HDC: variants seen among roughly 807,000 people sequenced by gnomAD.
HDC encodes histidine decarboxylase.
HDC carries 27 observed loss-of-function variants against 64.4 expected under a neutral mutation model. The ratio of observed to expected loss-of-function variants is 0.42; its 90% CI spans 0.31 to 0.58. The LOEUF (loss-of-function observed/expected upper bound fraction) is 0.58, where lower values mean the gene tolerates loss of function less well. HDC is among the 20% of genes least tolerant of loss of function. The pLI is 0.16. For synonymous variants in HDC, 305 were observed against 314.2 expected (o/e 0.97, Z 0.31); for missense variants, 711 against 833.9 (o/e 0.85, Z 1.81).
At chr15:50,254,748 C>CAA in intron 4 of HDC, 84 bp from the exon 5 acceptor site, 1 of 746,134 alleles carries the variant, frequency 1.3e-6, no homozygotes, top group Non-Finnish European at 2.1e-6. Context: ...TTCTCTCTCT[C>CAA]TCTCTCTCTC....
At position 50,248,706 on chromosome 15, in the gene HDC, C is replaced by T. The variant is rs925067669; in HGVS notation, c.1042-363G>A. Among the ~76,000 whole-genome samples, 1 of 152,142 alleles carries T rather than the reference C, an allele frequency of 6.6e-6. No homozygotes were observed. Among genetic ancestry groups the T allele is most frequent in the Admixed American group, 6.5e-5 (1 of 15,274 alleles). ...TTTTACTCTAAATGAATCTTTATTCCTTGAATAGCAGAAAATAAAGTTCTA... is the reference window on the plus strand; with the variant it reads ...TTTTACTCTAAATGAATCTTTATTCTTTGAATAGCAGAAAATAAAGTTCTA... On this transcript the variant is annotated intron_variant, in intron 9 of 11. Coordinates refer to ENST00000267845, the MANE Select transcript of HDC (RefSeq NM_002112.4). The surrounding 1 kb of genome is among the most constrained non-coding windows in gnomAD (Gnocchi z 4.3).
intron 7 of HDC, 136 bp downstream of exon 7, chr15:50,253,464 G>T: frequency 2.4e-6 from 2 of 819,988 alleles, no homozygotes; most frequent in Non-Finnish European, 4.2e-6. Flanking sequence ...CATGACCTTT[G>T]GTGGTTCTTC....
chr15:50,253,043 C>T (rs112939429), intron 7 of HDC: 2 of 528,156 alleles, frequency 3.8e-6, no homozygotes, highest in African/African-American at 1.9e-5. Context: ...TGGCCTCAGC[C>T]TAGAACATCC....
chr15:50,260,348 G>A (rs1035133912), intron 2 of HDC, among the ~76,000 whole-genome samples: 3 of 152,098 alleles, frequency 2.0e-5, no homozygotes, highest in Non-Finnish European at 4.4e-5. Flanking sequence ...TCAAAAGGAG[G>A]TCTCAAAAAG....
rs1481784417 is a variant in HDC, at chr15:50,257,451, T to C, written c.415A>G (p.Ser139Gly). The change falls in exon 4 of 12, where the codon AGC (serine) becomes GGC (glycine). Residue 139 changes from serine to glycine, a missense_variant. Ser to Gly is a moderately conservative substitution (Grantham distance 56). Around this residue, in one of 3 missense-constraint regions of HDC, gnomAD observed 225 missense variants for 276.2 expected, o/e 0.81. Transcript: ENST00000267845. ...LPEHFLHHHP[S>G]SQGGGVLQST... ...TGCAGGACGCCTCCGCCCTGGCTGC[T>C]GGGGTGGTGGTGCAAGAAGTGCTCT... 2 of 1,614,254 alleles carry C rather than the reference T, an allele frequency of 1.2e-6. No individual in the cohort carries two copies. Among genetic ancestry groups the C allele is most frequent in the Admixed American group, 1.7e-5 (1 of 60,024 alleles).
intron 7 of HDC, 191 bp from the exon 8 acceptor site, chr15:50,252,965 G>A (rs2070595): frequency 1.6e-5 from 10 of 618,536 alleles, no homozygotes; most frequent in South Asian, 1.5e-4. Context: ...CATTACCTCC[G>A]AATGGGAAAG....
Position 50,253,363 on chromosome 15 carries a change from G to A in HDC, c.787+237C>T, listed in dbSNP as rs555193435. 76 of 577,880 alleles carry A rather than the reference G, an allele frequency of 1.3e-4. 1 individual carries two copies. Among genetic ancestry groups the A allele is most frequent in the African/African-American group, 6.5e-4 (35 of 53,540 alleles). The allele number at this position is 577,880 out of a possible 1,614,324, so 35.8% of individuals were successfully genotyped here. A position where few individuals can be genotyped will look rare whatever the true frequency, so the allele number is the denominator to read the frequency against. On this transcript the variant is annotated intron_variant, in intron 7 of 11. Transcript: ENST00000267845. ...GAAAACCGAAGGCTCTCCTACTGTC[G>A]CCTCCTAGGACAGGAGGCAAGGTAG...
chr15:50,253,105 A>G (rs1308734244), intron 7 of HDC: 1 of 433,324 alleles, frequency 2.3e-6, no homozygotes, highest in Non-Finnish European at 4.3e-6. Context: ...CAGTGCACCG[A>G]ATACAAAAGT....
At chr15:50,257,629 CT>C (rs1463981172) in intron 3 of HDC, 82 bp from the exon 4 acceptor site, 1 of 1,512,366 alleles carries the variant, frequency 6.6e-7, no homozygotes, top group Middle Eastern at 1.7e-4. Flanking sequence ...ATGTCTGCCC[CT>C]GATGGTGTCA....
intron 2 of HDC, among the ~76,000 whole-genome samples, chr15:50,261,797 C>CGATT (rs1242237448): frequency 6.6e-5 from 10 of 151,928 alleles, no homozygotes; most frequent in African/African-American, 1.7e-4. Flanking sequence ...GCAACCTCCG[C>CGATT]CTCCCGGGTT....
intron 11 of HDC, 35 bp downstream of exon 11, chr15:50,243,108 C>T: frequency 6.2e-7 from 1 of 1,611,674 alleles, no homozygotes. Flanking sequence ...CACCACAAGA[C>T]ATCATTCACA....
At position 50,243,075 on chromosome 15, in the gene HDC, T is replaced by C. The variant is rs898027446; in HGVS notation, c.1242+68A>G. 5.0e-6 allele frequency: 8 copies of C among 1,613,710 alleles called. No individual in the cohort carries two copies. The African/African-American group carries it at 6.7e-5, about 13-fold the overall frequency. ...GTCAGCATCCCCAGAGCCCAGCATT[T>C]GTGTTTCCGAGAGGCTCTGGAGCAC... On this transcript the variant is annotated intron_variant, in intron 11 of 11. Transcript: ENST00000267845.
At position 50,252,450 on chromosome 15, in the gene HDC, C is replaced by T; in HGVS notation, c.1021G>A (p.Gly341Ser). The change falls in exon 9 of 12, where the codon GGC (glycine) becomes AGC (serine). Residue 341 changes from glycine to serine, a missense_variant. Physicochemically the swap from Gly to Ser is moderately conservative, Grantham distance 56. Transcript: ENST00000267845. ...NPIYLRHANS[G>S]VATDFMHWQI... ...CTCACCATGAAGTCGGTGGCCACGC[C>T]TGAGTTGGCATGCCTGAGGTAGATG... The T allele has an allele frequency of 2.5e-6, 4 of 1,614,190 alleles. No individual in the cohort carries two copies. Among genetic ancestry groups the T allele is most frequent in the South Asian group, 1.1e-5 (1 of 91,084 alleles).
At chr15:50,263,511 G>T in intron 1 of HDC, 104 bp from the exon 2 acceptor site, 1 of 1,173,912 alleles carries the variant, frequency 8.5e-7, no homozygotes, top group East Asian at 2.5e-5. Context: ...TAAAGAAGGA[G>T]ATGGATTTGG....
intron 4 of HDC, among the ~76,000 whole-genome samples, chr15:50,255,756 C>T (rs557644645): frequency 3.9e-5 from 6 of 152,256 alleles, no homozygotes; most frequent in East Asian, 3.9e-4. Flanking sequence ...GCCATGATGG[C>T]TCCACTGCAC....
chr15:50,258,730 G>C (rs1410305220), intron 2 of HDC, among the ~76,000 whole-genome samples: 1 of 152,158 alleles, frequency 6.6e-6, no homozygotes, highest in Non-Finnish European at 1.5e-5. Context: ...ATCATCAGTG[G>C]AGCCTTTTCA....
chr15:50,258,701 G>A (rs2045664197), intron 2 of HDC, among the ~76,000 whole-genome samples, 184 bp from the exon 3 acceptor site: 1 of 152,174 alleles, frequency 6.6e-6, no homozygotes. Context: ...TCACTAATGT[G>A]GCCCATGTCC....
chr15:50,262,816 GA>G (rs2045721212), intron 2 of HDC, among the ~76,000 whole-genome samples: 1 of 152,090 alleles, frequency 6.6e-6, no homozygotes, highest in African/African-American at 2.4e-5. Context: ...ACACTGTACA[GA>G]AGAGTCTCTG....
At chr15:50,260,822 C>CT (rs1317431197) in intron 2 of HDC, among the ~76,000 whole-genome samples, 45 of 152,282 alleles carry the variant, frequency 3.0e-4, no homozygotes, top group Non-Finnish European at 3.2e-4. Context: ...GGTGTCCTGA[C>CT]TTTTCCCGTG....
Sources: gnomAD v4.1 joint callset for allele counts (sites outside exome capture counted in the v4.1 genomes callset) on GRCh38, gnomAD v4.1.1 for gene constraint, gnomAD v4.1.1 regional missense constraint, Gnocchi (gnomAD v3.1) non-coding constraint, MANE v1.5 for transcripts, NCBI Gene and HGNC (gene_info 2026-07-23, HGNC 2026-07-21) for gene names.